Variants in NCALD observed in about 807,000 individuals in gnomAD.
The protein encoded by NCALD is neurocalcin-delta.
In NCALD, 10 loss-of-function variants were observed where a neutral mutation model predicts 18.6. The ratio of observed to expected loss-of-function variants is 0.54; its 90% CI spans 0.33 to 0.91. The LOEUF (loss-of-function observed/expected upper bound fraction) is 0.91, where lower values mean the gene tolerates loss of function less well. Among genes scored for constraint, NCALD ranks in the 40% least tolerant of loss-of-function variants. NCALD has a pLI of 0.03. For missense variants in NCALD, 184 were observed against 247.6 expected (o/e 0.74, Z 1.72); for synonymous variants, 88 against 87.4 (o/e 1.01, Z -0.04).
At chr8:101,896,720 C>G (rs1470820516) in intron 3 of NCALD, among the ~76,000 whole-genome samples, 1 of 142,306 alleles carries the variant, frequency 7.0e-6, no homozygotes, top group Non-Finnish European at 1.5e-5. Context: ...TGAACAGACG[C>G]TTCTCAAAAG....
In NCALD at chr8:101,822,455, C is replaced by A. The variant is rs542457882; in HGVS notation, c.-20+64686G>T. Among the ~76,000 whole-genome samples, 8 of 152,282 alleles carry A rather than the reference C, an allele frequency of 5.3e-5. No homozygotes were observed. In the South Asian group the frequency reaches 1.7e-3, roughly 32 times the overall value. ...TCTCTTCCAGACTCAGCAAACCCTG[C>A]AAGCTACATTCCCCAGAATCCTGCC... is the stretch of plus-strand genomic sequence containing the variant. On this transcript the variant is annotated intron_variant, in intron 4 of 6. Coordinates refer to the NCALD transcript ENST00000311028.
intron 4 of NCALD, among the ~76,000 whole-genome samples, chr8:101,819,125 T>C (rs1173747597): frequency 6.6e-6 from 1 of 152,212 alleles, no homozygotes; most frequent in Non-Finnish European, 1.5e-5. Context: ...AAAATTGTTA[T>C]GCTTGTTGAC....
At chr8:102,014,871 G>A (rs1822028284) in intron 2 of NCALD, among the ~76,000 whole-genome samples, 1 of 151,998 alleles carries the variant, frequency 6.6e-6, no homozygotes, top group Admixed American at 6.6e-5. Context: ...GAATTACTCG[G>A]GGATCTTGTT....
At chr8:101,865,827 T>C (rs1815744802) in intron 4 of NCALD, among the ~76,000 whole-genome samples, 1 of 152,170 alleles carries the variant, frequency 6.6e-6, no homozygotes, top group East Asian at 1.9e-4. Context: ...AAATAACTGG[T>C]TTGGGGAATA....
chr8:102,051,031 A>C (rs1222752837), intron 1 of NCALD, among the ~76,000 whole-genome samples: 1 of 151,678 alleles, frequency 6.6e-6, no homozygotes, highest in African/African-American at 2.4e-5. Context: ...TCATCCAAAA[A>C]ATGTCATACA....
chr8:101,882,647 A>G (rs527672417), intron 4 of NCALD, among the ~76,000 whole-genome samples: 2 of 152,342 alleles, frequency 1.3e-5, no homozygotes, highest in Admixed American at 1.3e-4. Context: ...AGGTTCCTGA[A>G]GATTAAAACA....
chr8:101,844,301 G>A (rs373147880), intron 4 of NCALD, among the ~76,000 whole-genome samples: 4 of 152,186 alleles, frequency 2.6e-5, no homozygotes, highest in South Asian at 4.2e-4. Context: ...GAAAGAGGTT[G>A]GGAATGAACT....
chr8:101,997,094 T>C (rs1418922723), intron 2 of NCALD, among the ~76,000 whole-genome samples: 1 of 152,226 alleles, frequency 6.6e-6, no homozygotes, highest in African/African-American at 2.4e-5. Flanking sequence ...GATAGACAGA[T>C]TTGGCTTTTT....
chr8:101,996,936 C>T (rs1437527665), intron 2 of NCALD, among the ~76,000 whole-genome samples: 2 of 152,216 alleles, frequency 1.3e-5, no homozygotes, highest in East Asian at 3.8e-4. Flanking sequence ...CATGGCGTTG[C>T]ATTAACTACT....
At chr8:101,905,464 C>A (rs1038532057) in intron 3 of NCALD, among the ~76,000 whole-genome samples, 4 of 152,124 alleles carry the variant, frequency 2.6e-5, no homozygotes, top group African/African-American at 9.7e-5. Context: ...TGGTTTTACC[C>A]TAACCAACAT....
At chr8:101,692,107 A>T in intron 3 of NCALD, 1 of 979,992 alleles carries the variant, frequency 1.0e-6, no homozygotes, top group Non-Finnish European at 1.2e-6. Flanking sequence ...TGTTTATCTG[A>T]AATTCCAGGA....
At chr8:101,871,566 T>C (rs1816019578) in intron 4 of NCALD, among the ~76,000 whole-genome samples, 1 of 145,454 alleles carries the variant, frequency 6.9e-6, no homozygotes, top group Non-Finnish European at 1.5e-5. Context: ...ATTTTAATCC[T>C]CTGGAATTCA....
intron 1 of NCALD, among the ~76,000 whole-genome samples, chr8:101,743,771 G>A (rs1428422541): frequency 6.6e-6 from 1 of 152,176 alleles, no homozygotes; most frequent in African/African-American, 2.4e-5. Flanking sequence ...TTATAAAAAT[G>A]TCCTGAGGAT....
At chr8:101,742,167 C>T (rs1015874620) in intron 1 of NCALD, among the ~76,000 whole-genome samples, 5 of 148,996 alleles carry the variant, frequency 3.4e-5, no homozygotes, top group Admixed American at 2.7e-4. Context: ...GCAGGAAAAT[C>T]GCTTGAACCC....
At chr8:101,987,716 T>C (rs1471431602) in intron 2 of NCALD, among the ~76,000 whole-genome samples, 1 of 152,148 alleles carries the variant, frequency 6.6e-6, no homozygotes, top group African/African-American at 2.4e-5. Flanking sequence ...CAAGATGTAT[T>C]ACATCTTTCC....
chr8:101,950,589 G>C (rs1449388548), intron 2 of NCALD, among the ~76,000 whole-genome samples: 1 of 152,208 alleles, frequency 6.6e-6, no homozygotes, highest in African/African-American at 2.4e-5. Context: ...CCTCAGTGAG[G>C]TTATGCTTGG....
At chr8:101,967,914 G>A (rs980135521) in intron 2 of NCALD, among the ~76,000 whole-genome samples, 8 of 151,988 alleles carry the variant, frequency 5.3e-5, no homozygotes, top group South Asian at 4.2e-4. Context: ...GCCAAGGCAC[G>A]TTAGCCAGAG....
chr8:101,846,985 T>C (rs1814893870), intron 4 of NCALD, among the ~76,000 whole-genome samples: 1 of 152,192 alleles, frequency 6.6e-6, no homozygotes, highest in Non-Finnish European at 1.5e-5. Flanking sequence ...CTACTATCTC[T>C]TTCTTCTTTA....
intron 1 of NCALD, among the ~76,000 whole-genome samples, chr8:102,058,826 A>G (rs565101129): frequency 6.6e-6 from 1 of 152,342 alleles, no homozygotes; most frequent in South Asian, 2.1e-4. Context: ...AGATTATCAT[A>G]GGTTTTTCAG....
Sources: gnomAD v4.1 joint callset for allele counts (sites outside exome capture counted in the v4.1 genomes callset) on GRCh38, gnomAD v4.1.1 for gene constraint, MANE v1.5 for transcripts, NCBI Gene and HGNC (gene_info 2026-07-23, HGNC 2026-07-21) for gene names.